CLINT1: variants seen among roughly 807,000 people sequenced by gnomAD.
The protein encoded by CLINT1 is clathrin interactor 1.
Under a neutral mutation model 70.4 loss-of-function variants are expected in CLINT1, and 15 were observed. That is an observed-to-expected ratio of 0.21 (90% CI 0.14 to 0.33). CLINT1 has a LOEUF of 0.33. Among genes scored for constraint, CLINT1 ranks in the 10% least tolerant of loss-of-function variants. The probability of loss-of-function intolerance (pLI) is 1.00; values close to 1 mark genes in which losing one functional copy is unlikely to be tolerated. For missense variants in CLINT1, 615 were observed against 778.1 expected, an observed-to-expected ratio of 0.79 and a Z score of 2.49; for synonymous variants, 227 against 254.7, an observed-to-expected ratio of 0.89 and a Z score of 1.04.
chr5:157,810,543 G>A (rs1762523827), intron 5 of CLINT1, among the ~76,000 whole-genome samples: 1 of 152,096 alleles, frequency 6.6e-6, no homozygotes, highest in African/African-American at 2.4e-5. Flanking sequence ...GTGAATTTGG[G>A]AATGCAGAGA....
chr5:157,804,477 C>T (rs1001158428), intron 7 of CLINT1, among the ~76,000 whole-genome samples: 2 of 152,122 alleles, frequency 1.3e-5, no homozygotes, highest in Admixed American at 6.5e-5. Context: ...AGATCCTAGG[C>T]ATGTTGATTT....
intron 8 of CLINT1, among the ~76,000 whole-genome samples, chr5:157,802,690 T>C (rs932007528): frequency 6.6e-6 from 1 of 151,820 alleles, no homozygotes; most frequent in Non-Finnish European, 1.5e-5. Flanking sequence ...GGATTACAGG[T>C]ACCTGCCACC....
chr5:157,854,986 A>G (rs1424132103), intron 1 of CLINT1, among the ~76,000 whole-genome samples: 1 of 152,042 alleles, frequency 6.6e-6, no homozygotes, highest in East Asian at 1.9e-4. Flanking sequence ...TGTATGAAAA[A>G]TACAAAAATT....
Position 157,813,184 on chromosome 5 carries a change from C to T in CLINT1, c.396G>A (p.Val132=), listed in dbSNP as rs990221726. Residue 132 remains valine (V), a synonymous_variant, in exon 5 of 12, where the codon GTG becomes GTA. Transcript: ENST00000411809. ...KDQGINIRQK[V]KELVEFAQDD... ...CCTGGGCAAATTCAACCAATTCCTT[C>T]ACCTTCTGTCGAATATTTATACCTT... 1.2e-6 allele frequency: 2 copies of T among 1,613,600 alleles called. No homozygotes were observed. Among genetic ancestry groups the T allele is most frequent in the African/African-American group, 1.3e-5 (1 of 74,902 alleles).
At chr5:157,801,450 T>C (rs1762217956) in intron 8 of CLINT1, among the ~76,000 whole-genome samples, 1 of 151,690 alleles carries the variant, frequency 6.6e-6, no homozygotes, top group Non-Finnish European at 1.5e-5. Context: ...GAGGTTGCAG[T>C]GAGTCAAGAC....
intron 1 of CLINT1, among the ~76,000 whole-genome samples, chr5:157,854,546 TA>T (rs1304656408): frequency 1.3e-5 from 2 of 152,020 alleles, no homozygotes; most frequent in Non-Finnish European, 2.9e-5. Context: ...AAATAAAAAA[TA>T]AAAAGAAACC....
chr5:157,828,927 T>TA (rs11379662), intron 1 of CLINT1, among the ~76,000 whole-genome samples: 25,230 of 103,228 alleles, frequency 0.24, 3,443 homozygotes, highest in African/African-American at 0.33. Context: ...TGTCTCTACT[T>TA]AAAAAAAAAA....
intron 10 of CLINT1, chr5:157,789,879 T>TA (rs1216474817): frequency 3.4e-6 from 1 of 291,972 alleles, no homozygotes; most frequent in African/African-American, 2.2e-5. Context: ...TTTAAGGAGA[T>TA]ACACAAGTGG....
At chr5:157,803,221 A>G (rs939169214) in intron 8 of CLINT1, among the ~76,000 whole-genome samples, 1 of 152,276 alleles carries the variant, frequency 6.6e-6, no homozygotes, top group African/African-American at 2.4e-5. Flanking sequence ...TTAAAAATTA[A>G]AAATGGAAAC....
chr5:157,835,577 A>C (rs1763393071), intron 1 of CLINT1, among the ~76,000 whole-genome samples: 1 of 152,194 alleles, frequency 6.6e-6, no homozygotes, highest in Admixed American at 6.5e-5. Flanking sequence ...TGTCTAACAT[A>C]AGATGGCTTG....
intron 7 of CLINT1, 27 bp downstream of exon 7, chr5:157,805,839 T>C: frequency 6.2e-7 from 1 of 1,613,354 alleles, no homozygotes; most frequent in Non-Finnish European, 8.5e-7. Flanking sequence ...AAACCATGTA[T>C]AATGTGTAAA....
At chr5:157,790,716 G>T in intron 10 of CLINT1, 1 of 444,320 alleles carries the variant, frequency 2.3e-6, no homozygotes, top group South Asian at 1.6e-5. Context: ...GTCAAAAATA[G>T]CAAGTTCCTG....
In CLINT1 at chr5:157,859,136, G is replaced by T; in HGVS notation, c.-166C>A. ...ACAGCAGCGGCGCCGCCGGTGACACGTCGAGACGCGGCAGCACAGGCGCTG... is the reference window on the plus strand; with the variant it reads ...ACAGCAGCGGCGCCGCCGGTGACACTTCGAGACGCGGCAGCACAGGCGCTG... On this transcript the variant is annotated 5_prime_UTR_variant, in exon 1 of 12. Coordinates refer to ENST00000411809, the MANE Select transcript of CLINT1 (RefSeq NM_014666.4). 1.6e-6 allele frequency: 1 copy of T among 627,544 alleles called. No individual in the cohort carries two copies. The highest frequency in any genetic ancestry group is 2.6e-6 in the Non-Finnish European group (1 of 379,800). The allele number at this position is 627,544 out of a possible 1,614,324, so 38.9% of individuals were successfully genotyped here. A position where few individuals can be genotyped will look rare whatever the true frequency, so the allele number is the denominator to read the frequency against.
At chr5:157,819,676 C>A (rs1272860878) in intron 1 of CLINT1, among the ~76,000 whole-genome samples, 1 of 152,176 alleles carries the variant, frequency 6.6e-6, no homozygotes, top group Non-Finnish European at 1.5e-5. Flanking sequence ...TGTCAAAATG[C>A]AGCTGTGAAA....
At chr5:157,827,133 A>T (rs947480165) in intron 1 of CLINT1, among the ~76,000 whole-genome samples, 3 of 152,144 alleles carry the variant, frequency 2.0e-5, no homozygotes. Context: ...AATAAATCTT[A>T]AAATTTTTTT....
chr5:157,806,165 G>A (rs1239452508), intron 6 of CLINT1, 53 bp from the exon 7 acceptor site: 2 of 1,564,974 alleles, frequency 1.3e-6, no homozygotes, highest in African/African-American at 2.7e-5. Flanking sequence ...ATTTTAAAAT[G>A]GGTCCCTCAG....
intron 1 of CLINT1, among the ~76,000 whole-genome samples, chr5:157,838,045 C>T (rs1173563748): frequency 3.9e-5 from 6 of 151,940 alleles, no homozygotes; most frequent in African/African-American, 9.6e-5. Context: ...GCTTTATATA[C>T]ATTTTTTCTT....
At chr5:157,827,843 T>TA (rs1036740899) in intron 1 of CLINT1, among the ~76,000 whole-genome samples, 3 of 152,188 alleles carry the variant, frequency 2.0e-5, no homozygotes, top group Admixed American at 1.3e-4. Context: ...ATTGCACACT[T>TA]ATGTATTTTT....
intron 1 of CLINT1, among the ~76,000 whole-genome samples, chr5:157,821,543 T>A (rs1194430944): frequency 2.0e-5 from 3 of 152,214 alleles, no homozygotes; most frequent in Non-Finnish European, 2.9e-5. Flanking sequence ...AATCTAATAG[T>A]CACCAGAAAG....
Sources: allele counts gnomAD v4.1 joint callset (sites outside exome capture counted in the v4.1 genomes callset), GRCh38; gene constraint gnomAD v4.1.1; transcripts MANE v1.5; gene names NCBI Gene and HGNC (gene_info 2026-07-23, HGNC 2026-07-21).